The following OPRM1 variants were observed in gnomAD, a reference collection of about 807,000 sequenced individuals.
The protein encoded by OPRM1 is opioid receptor mu 1, also known as mu-type opioid receptor.
A neutral mutation model predicts 31.8 loss-of-function variants in OPRM1; 27 were observed. The ratio of observed to expected loss-of-function variants is 0.85; its 90% CI spans 0.63 to 1.17. OPRM1 has a LOEUF of 1.17. Ranked by LOEUF, OPRM1 falls within the 50% of genes most tolerant of loss-of-function variation. The pLI is 0.00. For synonymous variants in OPRM1, 196 were observed against 189.9 expected, an observed-to-expected ratio of 1.03 and a Z score of -0.26; for missense variants, 536 against 511.1, an observed-to-expected ratio of 1.05 and a Z score of -0.47.
At chr6:154,204,556 T>C (rs562001485) in intron 3 of OPRM1, among the ~76,000 whole-genome samples, 1 of 152,296 alleles carries the variant, frequency 6.6e-6, no homozygotes, top group South Asian at 2.1e-4. Flanking sequence ...CCAGAAGACC[T>C]TGTAATAGTA....
At chr6:154,040,058 C>G (rs1334170191) in intron 1 of OPRM1, among the ~76,000 whole-genome samples, 2 of 151,820 alleles carry the variant, frequency 1.3e-5, no homozygotes, top group African/African-American at 4.8e-5. Flanking sequence ...ATTTCAGGAG[C>G]AGAGAAGTTG....
intron 3 of OPRM1, among the ~76,000 whole-genome samples, chr6:154,215,965 T>C (rs956449334): frequency 6.6e-6 from 1 of 152,230 alleles, no homozygotes; most frequent in African/African-American, 2.4e-5. Context: ...AAAAATATTA[T>C]TGATTTCAAG....
chr6:154,152,380 GAAAGAA>G (rs1206507267), intron 3 of OPRM1, among the ~76,000 whole-genome samples: 5 of 150,344 alleles, frequency 3.3e-5, no homozygotes, highest in African/African-American at 1.2e-4. Context: ...AAGAAAGAAA[GAAAGAA>G]AGAAAGAGAA....
At chr6:154,055,013 C>G (rs1220767625) in intron 1 of OPRM1, among the ~76,000 whole-genome samples, 1 of 152,168 alleles carries the variant, frequency 6.6e-6, no homozygotes, top group East Asian at 1.9e-4. Flanking sequence ...GGAAAAATAG[C>G]CATATTCAAC....
chr6:154,152,347 G>GAAAA, intron 3 of OPRM1, among the ~76,000 whole-genome samples: 1,804 of 65,152 alleles, frequency 0.028, 67 homozygotes, highest in Middle Eastern at 0.064. Context: ...AAGAAAGAAA[G>GAAAA]GAAAGAAAGA....
chr6:154,157,815 C>T (rs1664534789), intron 3 of OPRM1: 1 of 152,202 alleles, frequency 6.6e-6, no homozygotes. Flanking sequence ...CTGGTATCTG[C>T]TAATCACAGA....
intron 1 of OPRM1, among the ~76,000 whole-genome samples, chr6:154,042,223 G>T (rs1780209682): frequency 6.6e-6 from 1 of 152,240 alleles, no homozygotes; most frequent in Non-Finnish European, 1.5e-5. Flanking sequence ...GTTAGTGACA[G>T]ATGAAGCGAC....
rs139463113 is a variant in OPRM1 at position 154,148,094 on chromosome 6, A to G, written c.1164+56622A>G. ...CAGGCCAACAGCTTCTGAATGGAAA[A>G]GCATGTGAAAGAACCACATGATCCC... On this transcript the variant is annotated intron_variant, in intron 3 of 3. Transcript: ENST00000337049. 3.7e-4 allele frequency among the ~76,000 whole-genome samples: 56 copies of G among 152,318 alleles called. No homozygotes were observed. In the East Asian group the frequency reaches 7.9e-3, roughly 22 times the overall value.
rs772905051 is a variant in OPRM1 at position 154,039,528 on chromosome 6, GC to G, written c.-14del. ...CTGGCTACCTCGCACAGCGGTGCCCGCCCGGCCGTCAGTACCATGGACAGCA... is the reference window on the plus strand; with the variant it reads ...CTGGCTACCTCGCACAGCGGTGCCCGCCGGCCGTCAGTACCATGGACAGCA... On this transcript the variant is annotated 5_prime_UTR_variant, in exon 1 of 4. Transcript: ENST00000330432. The G allele has an allele frequency of 1.9e-6, 3 of 1,601,054 alleles. No individual in the cohort carries two copies. The highest frequency in any genetic ancestry group is 2.6e-6 in the Non-Finnish European group (3 of 1,174,098).
At chr6:154,221,383 G>T in intron 3 of OPRM1, 3 of 1,323,050 alleles carry the variant, frequency 2.3e-6, no homozygotes, top group East Asian at 2.3e-5. Flanking sequence ...AGTCAACAAT[G>T]GGTCTGAAAG....
chr6:154,072,600 A>G (rs748045967), intron 1 of OPRM1, among the ~76,000 whole-genome samples: 1 of 152,252 alleles, frequency 6.6e-6, no homozygotes, highest in Non-Finnish European at 1.5e-5. Context: ...TATTTTTTAG[A>G]GAATATAAAG....
chr6:154,083,138 G>A (rs1215760010), intron 1 of OPRM1, among the ~76,000 whole-genome samples: 1 of 152,152 alleles, frequency 6.6e-6, no homozygotes, highest in African/African-American at 2.4e-5. Context: ...GGCTATAATG[G>A]AAGTATCTCT....
In OPRM1 at chr6:154,010,754, C is replaced by T; in HGVS notation, c.-265C>T. 5 of 1,421,560 alleles carry T rather than the reference C, an allele frequency of 3.5e-6. No homozygotes were observed. The South Asian group carries it at 6.1e-5, about 17-fold the overall frequency. The allele number at this position is 1,421,560 out of a possible 1,614,324, so 88.1% of individuals were successfully genotyped here. A position where few individuals can be genotyped will look rare whatever the true frequency, so the allele number is the denominator to read the frequency against. On this transcript the variant is annotated 5_prime_UTR_variant, in exon 1 of 6. Transcript: ENST00000434900. ...TTGCCTGCATGAATTGCCCCTTTCT[C>T]CTACAAACAAGAGAATTCGGTCAAG... is the stretch of plus-strand genomic sequence containing the variant.
chr6:154,124,453 CAGA>C lies in OPRM1; in HGVS notation c.*5738_*5740del, dbSNP rs1363078175. On this transcript the variant is annotated 3_prime_UTR_variant, in exon 4 of 4. Transcript: ENST00000330432. ...ATTGCACTTAAACTTTACAAAATCA[CAGA>C]AGAAGTTGTTTTCCATAGGTGTGGG... 2.6e-5 allele frequency among the ~76,000 whole-genome samples: 4 copies of C among 152,156 alleles called. No individual in the cohort carries two copies. Among genetic ancestry groups the C allele is most frequent in the African/African-American group, 9.7e-5 (4 of 41,432 alleles).
intron 3 of OPRM1, among the ~76,000 whole-genome samples, chr6:154,166,395 T>C (rs1435694482): frequency 6.6e-6 from 1 of 152,230 alleles, no homozygotes; most frequent in African/African-American, 2.4e-5. Flanking sequence ...TGACTCAAAC[T>C]GCACATGCTC....
chr6:154,129,854 A>G lies in OPRM1; in HGVS notation c.*11133A>G, dbSNP rs502627. 0.16 allele frequency among the ~76,000 whole-genome samples: 12,203 copies of G among 74,108 alleles called. 720 individuals carry two copies. The highest frequency in any genetic ancestry group is 0.31 in the Admixed American group (2,899 of 9,288). The allele number at this position is 74,108 out of a possible 152,430, so 48.6% of individuals were successfully genotyped here. On this transcript the variant is annotated 3_prime_UTR_variant, in exon 4 of 4. Transcript: ENST00000330432. Reference sequence around the variant, plus strand: ...ACCACCGACACCCTCCCCCCCCAGCACACACACACACACACACACACACAC... The same window carrying G: ...ACCACCGACACCCTCCCCCCCCAGCGCACACACACACACACACACACACAC...
intron 3 of OPRM1, among the ~76,000 whole-genome samples, chr6:154,142,724 A>G (rs1429352701): frequency 6.6e-6 from 1 of 152,182 alleles, no homozygotes; most frequent in Non-Finnish European, 1.5e-5. Flanking sequence ...AACTTGCCTC[A>G]GTCTCTTTTT....
Position 154,169,000 on chromosome 6 carries a change from C to T in OPRM1, c.1164+77528C>T, listed in dbSNP as rs868065066. On this transcript the variant is annotated intron_variant, in intron 3 of 3. Transcript: ENST00000337049. The surrounding 1 kb of genome is among the most constrained non-coding windows in gnomAD (Gnocchi z 4.1). ...GTGTTTCTCACGTGCAATATATTCACCTCATCCCAACAACTCCAAAAGTCT... is the reference window on the plus strand; with the variant it reads ...GTGTTTCTCACGTGCAATATATTCATCTCATCCCAACAACTCCAAAAGTCT... Among the ~76,000 whole-genome samples, 2 of 152,082 alleles carry T rather than the reference C, an allele frequency of 1.3e-5. No individual in the cohort carries two copies. The highest frequency in any genetic ancestry group is 4.8e-5 in the African/African-American group (2 of 41,404).
intron 1 of OPRM1, among the ~76,000 whole-genome samples, chr6:154,060,307 G>A (rs1181951825): frequency 6.6e-6 from 1 of 152,220 alleles, no homozygotes; most frequent in Non-Finnish European, 1.5e-5. Context: ...AACCAGGCAT[G>A]TCGGTGGTAC....
Sources: gnomAD v4.1 joint callset for allele counts (sites outside exome capture counted in the v4.1 genomes callset) on GRCh38, gnomAD v4.1.1 for gene constraint, Gnocchi (gnomAD v3.1) non-coding constraint, MANE v1.5 for transcripts, NCBI Gene and HGNC (gene_info 2026-07-23, HGNC 2026-07-21) for gene names.